Variants in SLC4A4 observed in about 807,000 individuals in gnomAD.
SLC4A4 encodes the protein electrogenic sodium bicarbonate cotransporter 1.
A neutral mutation model predicts 111.5 loss-of-function variants in SLC4A4; 27 were observed. The ratio of observed to expected loss-of-function variants is 0.24; its 90% CI spans 0.18 to 0.33. The LOEUF (loss-of-function observed/expected upper bound fraction) is 0.33. SLC4A4 is among the 10% of genes least tolerant of loss of function. The pLI is 1.00. For missense variants in SLC4A4, 909 were observed against 1,315.5 expected (o/e 0.69, Z 4.78); for synonymous variants, 443 against 463.4 (o/e 0.96, Z 0.57).
In SLC4A4 at chr4:71,285,476, T is replaced by C. The variant is rs112488720; in HGVS notation, c.253+30077T>C. On this transcript the variant is annotated intron_variant, in intron 3 of 25. Transcript: ENST00000264485. ...TCTGTAGCCTCAAAAAGATGGGTGG[T>C]AGTATTTCAGTCAAGTTTACTGGGG... Among the ~76,000 whole-genome samples the C allele has an allele frequency of 6.0e-3, 908 of 152,186 alleles. 5 individuals carry two copies. The highest frequency in any genetic ancestry group is 9.2e-3 in the Non-Finnish European group (625 of 68,008).
chr4:71,382,853 A>G (rs1718286121), intron 6 of SLC4A4, among the ~76,000 whole-genome samples: 1 of 152,188 alleles, frequency 6.6e-6, no homozygotes, highest in African/African-American at 2.4e-5. Flanking sequence ...GATAATGTAC[A>G]ACTGTGGGAA....
intron 1 of SLC4A4, among the ~76,000 whole-genome samples, chr4:71,223,301 G>T (rs1170892270): frequency 6.6e-6 from 1 of 151,456 alleles, no homozygotes; most frequent in Non-Finnish European, 1.5e-5. Flanking sequence ...TCAGCCTCCC[G>T]GGTAGCTGGG....
intron 2 of SLC4A4, among the ~76,000 whole-genome samples, chr4:71,182,018 T>A (rs1745309770): frequency 6.6e-6 from 1 of 152,224 alleles, no homozygotes; most frequent in African/African-American, 2.4e-5. Context: ...ATTTATCACT[T>A]CATTGCATTT....
At chr4:71,353,583 G>C (rs536390887) in intron 5 of SLC4A4, among the ~76,000 whole-genome samples, 9 of 152,298 alleles carry the variant, frequency 5.9e-5, no homozygotes, top group African/African-American at 2.2e-4. Context: ...AACTTGAGAA[G>C]TTATAGTCGT....
At chr4:71,452,307 A>T (rs1225837849) in intron 11 of SLC4A4, among the ~76,000 whole-genome samples, 1 of 152,030 alleles carries the variant, frequency 6.6e-6, no homozygotes, top group Admixed American at 6.6e-5. Context: ...TTTTTTGTAA[A>T]TTATTTCCAT....
At position 71,304,890 on chromosome 4, in the gene SLC4A4, C is replaced by T. The variant is rs145645701; in HGVS notation, c.254-34480C>T. On this transcript the variant is annotated intron_variant, in intron 3 of 25. Transcript: ENST00000264485. ...TACAAAATTTTAATTTTGTGGACAA[C>T]TTGGAACTCTTTAGTTGGGAAATAA... 9.2e-3 allele frequency among the ~76,000 whole-genome samples: 1,395 copies of T among 152,304 alleles called. 21 individuals carry two copies. The highest frequency in any genetic ancestry group is 0.029 in the African/African-American group (1,205 of 41,568).
chr4:71,151,385 G>T (rs1744308369), intron 2 of SLC4A4, among the ~76,000 whole-genome samples: 1 of 152,076 alleles, frequency 6.6e-6, no homozygotes, highest in African/African-American at 2.4e-5. Context: ...GCATTTCTCT[G>T]GTTCTGCTGA....
chr4:71,413,373 A>G (rs1721557556), intron 7 of SLC4A4, among the ~76,000 whole-genome samples: 1 of 152,210 alleles, frequency 6.6e-6, no homozygotes, highest in Non-Finnish European at 1.5e-5. Flanking sequence ...TTTGGAAGTC[A>G]ATAGATTGTG....
intron 9 of SLC4A4, 38 bp from the exon 10 acceptor site, chr4:71,450,351 T>TA (rs1172360180): frequency 6.7e-7 from 1 of 1,484,150 alleles, no homozygotes; most frequent in Non-Finnish European, 9.4e-7. Flanking sequence ...TGTACAGAGT[T>TA]ATCTTTTTGG....
In SLC4A4 at chr4:71,534,262, G is replaced by A. The variant is rs144645442; in HGVS notation, c.2316G>A (p.Pro772=). The change falls in exon 18 of 26, where the codon CCG becomes CCA. Residue 772 remains proline, a synonymous_variant. Coordinates refer to ENST00000264485, the MANE Select transcript of SLC4A4 (RefSeq NM_001098484.3). Reference sequence around the variant, plus strand: ...CAAACCGAGGTTGGTTCGTTCCACCGTTTGGAGAAAACCCCTGGTGGGTGT... The same window carrying A: ...CAAACCGAGGTTGGTTCGTTCCACCATTTGGAGAAAACCCCTGGTGGGTGT... The part of the protein sequence containing the change: ...TSPNRGWFVP[P]FGENPWWVCL... 39 of 1,613,606 alleles carry A rather than the reference G, an allele frequency of 2.4e-5. No homozygotes were observed. The highest frequency in any genetic ancestry group is 6.7e-5 in the East Asian group (3 of 44,832).
chr4:71,519,448 A>G (rs1251413891), intron 16 of SLC4A4, among the ~76,000 whole-genome samples: 1 of 152,238 alleles, frequency 6.6e-6, no homozygotes, highest in African/African-American at 2.4e-5. Context: ...AGTTCTCAGC[A>G]TAGTTTAGAA....
intron 2 of SLC4A4, among the ~76,000 whole-genome samples, chr4:71,120,153 C>A (rs1004313917): frequency 4.6e-5 from 7 of 151,790 alleles, no homozygotes; most frequent in African/African-American, 1.7e-4. Context: ...TTCTTGTGTC[C>A]TTTGATTGTG....
intron 1 of SLC4A4, among the ~76,000 whole-genome samples, chr4:71,070,933 T>A (rs1741643687): frequency 6.6e-6 from 1 of 151,514 alleles, no homozygotes; most frequent in South Asian, 2.1e-4. Context: ...CATTTCTCAG[T>A]AAGTTTCAGA....
chr4:71,177,586 C>T (rs938293651), intron 2 of SLC4A4, among the ~76,000 whole-genome samples: 5 of 152,106 alleles, frequency 3.3e-5, no homozygotes, highest in African/African-American at 9.7e-5. Context: ...CAAAGAAGGC[C>T]ATTACATAAT....
At chr4:71,407,903 G>A (rs1460315829) in intron 7 of SLC4A4, among the ~76,000 whole-genome samples, 2 of 151,900 alleles carry the variant, frequency 1.3e-5, no homozygotes, top group South Asian at 2.1e-4. Flanking sequence ...ATCTTCACTT[G>A]TGCTTTGCTA....
chr4:71,253,642 T>A (rs1721236919), intron 2 of SLC4A4, among the ~76,000 whole-genome samples: 1 of 152,188 alleles, frequency 6.6e-6, no homozygotes, highest in Admixed American at 6.6e-5. Context: ...CAATTGACAC[T>A]GTTTCTTAAT....
intron 3 of SLC4A4, among the ~76,000 whole-genome samples, chr4:71,262,078 A>G (rs1461339888): frequency 1.3e-5 from 2 of 152,180 alleles, no homozygotes; most frequent in East Asian, 1.9e-4. Context: ...GTGGTTTGGG[A>G]TTCAAATTTA....
rs1186729947 is a variant in SLC4A4 at position 71,265,796 on chromosome 4, T to C, written c.253+10397T>C. ...CCTCTTTGTGTTGGTTTTAGACTCATCTCTACCAGATGTTCCTCCTATAAG... is the reference window on the plus strand; with the variant it reads ...CCTCTTTGTGTTGGTTTTAGACTCACCTCTACCAGATGTTCCTCCTATAAG... On this transcript the variant is annotated intron_variant, in intron 3 of 25. Transcript: ENST00000264485. 3.3e-5 allele frequency among the ~76,000 whole-genome samples: 5 copies of C among 152,180 alleles called. No homozygotes were observed. The South Asian group carries it at 1.0e-3, about 32-fold the overall frequency.
At chr4:71,440,256 T>C (rs1342751334) in intron 7 of SLC4A4, among the ~76,000 whole-genome samples, 2 of 152,156 alleles carry the variant, frequency 1.3e-5, no homozygotes, top group African/African-American at 4.8e-5. Flanking sequence ...TATCCACCCC[T>C]GTTTCCCTAA....
Sources: gnomAD v4.1 joint callset for allele counts (sites outside exome capture counted in the v4.1 genomes callset) on GRCh38, gnomAD v4.1.1 for gene constraint, MANE v1.5 for transcripts, NCBI Gene and HGNC (gene_info 2026-07-23, HGNC 2026-07-21) for gene names.